COMMD10: variants seen among roughly 807,000 people sequenced by gnomAD.
COMMD10 encodes the protein COMM domain-containing protein 10.
Under a neutral mutation model 28.9 loss-of-function variants are expected in COMMD10, and 33 were observed. The observed-to-expected ratio is 1.14, with a 90% CI of 0.87 to 1.53. COMMD10 has a LOEUF of 1.53. Ranked by LOEUF, COMMD10 falls within the 40% of genes most tolerant of loss-of-function variation. COMMD10 has a pLI of 0.00. For synonymous variants in COMMD10, 110 were observed against 81.7 expected (o/e 1.35, Z -1.87); for missense variants, 310 against 233.4 (o/e 1.33, Z -2.14).
chr5:116,116,208 TTTA>T (rs1751228789), intron 4 of COMMD10, among the ~76,000 whole-genome samples: 1 of 152,216 alleles, frequency 6.6e-6, no homozygotes. Context: ...TAAGATTTAC[TTTA>T]TTGTTAACAA....
At chr5:116,183,565 T>A (rs1030368838) in intron 5 of COMMD10, among the ~76,000 whole-genome samples, 1 of 152,104 alleles carries the variant, frequency 6.6e-6, no homozygotes, top group Non-Finnish European at 1.5e-5. Flanking sequence ...AAAGTAGTAT[T>A]TAATTTAAAC....
At chr5:116,224,117 A>T (rs1239772224) in intron 5 of COMMD10, among the ~76,000 whole-genome samples, 2 of 152,134 alleles carry the variant, frequency 1.3e-5, no homozygotes, top group Admixed American at 1.3e-4. Flanking sequence ...TCCAGGTTCT[A>T]AGGATTCTGG....
chr5:116,197,329 A>C (rs9326997), intron 5 of COMMD10, among the ~76,000 whole-genome samples: 1 of 152,154 alleles, frequency 6.6e-6, no homozygotes, highest in Admixed American at 6.5e-5. Flanking sequence ...CAAACAATAC[A>C]TGAAATTACA....
chr5:116,171,890 T>G (rs1327012532), intron 5 of COMMD10, among the ~76,000 whole-genome samples: 1 of 152,080 alleles, frequency 6.6e-6, no homozygotes, highest in Non-Finnish European at 1.5e-5. Context: ...GACGGGTTGA[T>G]GGTGCAACAA....
intron 5 of COMMD10, among the ~76,000 whole-genome samples, chr5:116,194,632 T>G (rs953072358): frequency 6.6e-6 from 1 of 152,072 alleles, no homozygotes; most frequent in African/African-American, 2.4e-5. Flanking sequence ...AAGAATTGGA[T>G]TCCTTGAACA....
intron 5 of COMMD10, among the ~76,000 whole-genome samples, chr5:116,207,852 A>G (rs748800080): frequency 6.6e-6 from 1 of 152,122 alleles, no homozygotes; most frequent in East Asian, 1.9e-4. Context: ...CACACTCCCA[A>G]CCTTTAACAT....
At chr5:116,173,872 A>G (rs1475767450) in intron 5 of COMMD10, among the ~76,000 whole-genome samples, 1 of 148,298 alleles carries the variant, frequency 6.7e-6, no homozygotes, top group Non-Finnish European at 1.5e-5. Flanking sequence ...TGGAACAAGG[A>G]CAGTCATAAT....
chr5:116,099,929 A>G (rs954411903), intron 4 of COMMD10, among the ~76,000 whole-genome samples: 1 of 152,020 alleles, frequency 6.6e-6, no homozygotes, highest in Admixed American at 6.6e-5. Flanking sequence ...TGGATTTTGG[A>G]TTTTTTGAAT....
intron 5 of COMMD10, among the ~76,000 whole-genome samples, chr5:116,268,296 G>C (rs1239322919): frequency 2.0e-5 from 3 of 151,862 alleles, no homozygotes; most frequent in South Asian, 4.1e-4. Flanking sequence ...TGAAGGATAT[G>C]AACAGACACT....
At chr5:116,190,307 A>G (rs1748319625) in intron 5 of COMMD10, among the ~76,000 whole-genome samples, 1 of 152,224 alleles carries the variant, frequency 6.6e-6, no homozygotes, top group Non-Finnish European at 1.5e-5. Context: ...AAAGTTAAAT[A>G]TGCAGCTAAA....
intron 4 of COMMD10, among the ~76,000 whole-genome samples, chr5:116,124,673 A>T (rs1006333154): frequency 6.6e-6 from 1 of 152,168 alleles, no homozygotes; most frequent in African/African-American, 2.4e-5. Context: ...GTGGGGTGTT[A>T]AAGTCTCCCA....
Position 116,243,362 on chromosome 5 carries a change from G to A in COMMD10, c.511-48155G>A, listed in dbSNP as rs543413765. ...AAATTTCACTCTTTTAAACTGAATA[G>A]GAGAGTATCTTACATCCACTGCCAG... On this transcript the variant is annotated intron_variant, in intron 5 of 6. Transcript: ENST00000274458. Among the ~76,000 whole-genome samples, 45 of 152,218 alleles carry A rather than the reference G, an allele frequency of 3.0e-4. 1 individual carries two copies. In the South Asian group the frequency reaches 8.1e-3, roughly 27 times the overall value.
chr5:116,191,683 C>T (rs542546810), intron 5 of COMMD10, among the ~76,000 whole-genome samples: 2 of 151,830 alleles, frequency 1.3e-5, no homozygotes, highest in Non-Finnish European at 2.9e-5. Flanking sequence ...GCCCTGCCCC[C>T]ACTTGATGGT....
intron 5 of COMMD10, among the ~76,000 whole-genome samples, chr5:116,171,076 A>G (rs1317915577): frequency 6.6e-6 from 1 of 152,238 alleles, no homozygotes; most frequent in African/African-American, 2.4e-5. Flanking sequence ...AAATTTTGCA[A>G]TCTGTCCATC....
intron 3 of COMMD10, among the ~76,000 whole-genome samples, chr5:116,092,246 A>C (rs983977207): frequency 2.6e-5 from 4 of 152,230 alleles, no homozygotes; most frequent in African/African-American, 7.2e-5. Context: ...TTAGGGTACC[A>C]TTTACATAGC....
intron 5 of COMMD10, among the ~76,000 whole-genome samples, chr5:116,219,302 C>T (rs976683906): frequency 3.3e-5 from 5 of 152,120 alleles, no homozygotes; most frequent in Non-Finnish European, 7.4e-5. Context: ...CTTTCCCTTC[C>T]CCTTCCCCTT....
At chr5:116,278,292 C>A (rs1380961669) in intron 5 of COMMD10, among the ~76,000 whole-genome samples, 1 of 151,772 alleles carries the variant, frequency 6.6e-6, no homozygotes, top group African/African-American at 2.4e-5. Context: ...AACCTCTTAA[C>A]TTGCTGATTA....
chr5:116,217,153 A>G (rs557572529), intron 5 of COMMD10, among the ~76,000 whole-genome samples: 73 of 152,096 alleles, frequency 4.8e-4, no homozygotes, highest in Middle Eastern at 3.4e-3. Context: ...TGAAGAAGAA[A>G]AAAAAAAGTC....
intron 5 of COMMD10, among the ~76,000 whole-genome samples, chr5:116,193,070 T>C (rs369938091): frequency 3.9e-5 from 6 of 152,176 alleles, no homozygotes; most frequent in African/African-American, 1.2e-4. Flanking sequence ...CTAAGCATCA[T>C]ATATAAAGGA....
Sources: gnomAD v4.1 joint callset for allele counts (sites outside exome capture counted in the v4.1 genomes callset) on GRCh38, gnomAD v4.1.1 for gene constraint, MANE v1.5 for transcripts, NCBI Gene and HGNC (gene_info 2026-07-23, HGNC 2026-07-21) for gene names.